The following TMC4 variants were observed in gnomAD, a reference collection of about 807,000 sequenced individuals.
The protein encoded by TMC4 is transmembrane channel like 4.
A neutral mutation model predicts 82.0 loss-of-function variants in TMC4; 70 were observed. That is an observed-to-expected ratio of 0.85 (90% confidence interval 0.70 to 1.04). The LOEUF is 1.04. Among genes scored for constraint, TMC4 ranks in the 50% least tolerant of loss-of-function variants. The pLI is 0.00. For missense variants in TMC4, 879 were observed against 899.0 expected (o/e 0.98, Z 0.28); for synonymous variants, 446 against 406.0 (o/e 1.10, Z -1.18).
chr19:54,165,670 G>T, intron 5 of TMC4, 104 bp from the exon 6 acceptor site: 1 of 1,373,510 alleles, frequency 7.3e-7, no homozygotes, highest in Non-Finnish European at 9.8e-7. Flanking sequence ...GAACCCTAAG[G>T]CCTTGGGTAC....
chr19:54,161,850 T>C (rs1007114096), intron 11 of TMC4, among the ~76,000 whole-genome samples: 65 of 152,046 alleles, frequency 4.3e-4, no homozygotes, highest in Non-Finnish European at 1.2e-4. Context: ...CCTACCTGCC[T>C]CTCCTTTTTT....
At chr19:54,166,869 C>T (rs1371831791) in intron 5 of TMC4, among the ~76,000 whole-genome samples, 1 of 152,100 alleles carries the variant, frequency 6.6e-6, no homozygotes, top group Non-Finnish European at 1.5e-5. Flanking sequence ...AGGAAAATTG[C>T]TTGAACCCGG....
At chr19:54,172,861 C>T in intron 1 of TMC4, 178 bp downstream of exon 1, 4 of 611,748 alleles carry the variant, frequency 6.5e-6, no homozygotes, top group South Asian at 2.1e-5. Flanking sequence ...CAGGCTCCTC[C>T]TCCTCAGACC....
Position 54,168,669 on chromosome 19 carries a change from C to A in TMC4, c.454G>T (p.Ala152Ser), listed in dbSNP as rs754668617. ...TLKRIGGQFGAGTESYFSLLR... is the reference protein window; with the variant it reads ...TLKRIGGQFGSGTESYFSLLR... Reference sequence around the variant, plus strand: ...AGGGAGAAGTAGGACTCCGTGCCGGCGCCAAACTGGCCTGCAGGGGGCAGC... The same window carrying A: ...AGGGAGAAGTAGGACTCCGTGCCGGAGCCAAACTGGCCTGCAGGGGGCAGC... The change falls in exon 4 of 15, where the codon GCC becomes TCC. Residue 152 changes from alanine (A) to serine (S), a missense_variant. Ala to Ser is a moderately conservative substitution (Grantham distance 99, BLOSUM62 1). Coordinates refer to ENST00000619895, the MANE Select transcript of TMC4 (RefSeq NM_144686.4). The A allele has an allele frequency of 6.5e-7, 1 of 1,540,744 alleles. No homozygotes were observed. Among genetic ancestry groups the A allele is most frequent in the South Asian group, 1.2e-5 (1 of 81,136 alleles).
In TMC4 at chr19:54,163,802, A is replaced by G. The variant is rs1228369240; in HGVS notation, c.1199T>C (p.Val400Ala). 2 of 1,613,994 alleles carry G rather than the reference A, an allele frequency of 1.2e-6. No individual in the cohort carries two copies. The highest frequency in any genetic ancestry group is 3.3e-5 in the Admixed American group (2 of 59,980). The change falls in exon 8 of 15, where the codon GTG becomes GCG. Residue 400 changes from valine (V) to alanine (A), a missense_variant. Val to Ala is a moderately conservative substitution (Grantham distance 64). Transcript: ENST00000619895. Reference protein sequence around the residue: ...PSIFIAGVNFVLPPVFKLIAP... With the variant: ...PSIFIAGVNFALPPVFKLIAP... ...AATGAGCTTGAACACGGGCGGCAGC[A>G]CAAAATTGACCCCAGCGATGAAGAT...
At chr19:54,164,659 T>C (rs2075656270) in intron 6 of TMC4, 58 bp from the exon 7 acceptor site, 1 of 1,600,586 alleles carries the variant, frequency 6.2e-7, no homozygotes, top group East Asian at 2.2e-5. Context: ...GGCCTCCCGG[T>C]TCCCCAGGTC....
Position 54,163,131 on chromosome 19 carries a change from C to T in TMC4, c.1306G>A (p.Val436Met), listed in dbSNP as rs1274604137. The T allele has an allele frequency of 1.9e-6, 3 of 1,613,864 alleles. No homozygotes were observed. In the South Asian group the frequency reaches 3.3e-5, roughly 18 times the overall value. Residue 436 changes from valine (V) to methionine (M), a missense_variant, in exon 9 of 15, where the codon GTG becomes ATG. Physicochemically the swap from Val to Met is conservative, Grantham distance 21 (BLOSUM62 1). Coordinates refer to ENST00000619895, the MANE Select transcript of TMC4 (RefSeq NM_144686.4). ...RTVFLRLASL[V>M]VLLFSLWNQI... The stretch of plus-strand genomic sequence containing the variant: ...TTCCAGAGAGAGAAGAGCAGGACCA[C>T]CAGGGAGGCGAGGCGAAGAAACACG...
Position 54,165,532 on chromosome 19 carries a change from C to T in TMC4, c.832G>A (p.Glu278Lys), listed in dbSNP as rs1386806570. 3.7e-6 allele frequency: 6 copies of T among 1,610,476 alleles called. No individual in the cohort carries two copies. The South Asian group carries it at 6.6e-5, about 18-fold the overall frequency. Residue 278 changes from glutamate (E) to lysine (K), a missense_variant, in exon 6 of 15, where the codon GAG (glutamate) becomes AAG (lysine). Glu to Lys is a moderately conservative substitution (Grantham distance 56, BLOSUM62 1). Coordinates refer to ENST00000619895, the MANE Select transcript of TMC4 (RefSeq NM_144686.4). ...CTGTAGCTGGTCAGAGCCTCGGACT[C>T]CGCCAGCAGTGTCTGCTTCAGCCCA... ...VSGLKQTLLAESEALTSYSHR... is the reference protein window; with the variant it reads ...VSGLKQTLLAKSEALTSYSHR...
chr19:54,160,512 G>A lies in TMC4; in HGVS notation c.2007C>T (p.Asn669=), dbSNP rs372234599. 1.2e-6 allele frequency: 2 copies of A among 1,614,060 alleles called. No homozygotes were observed. The highest frequency in any genetic ancestry group is 2.7e-5 in the African/African-American group (2 of 74,930). Reference sequence around the variant, plus strand: ...GCTCAGAGATGAGGCGTCCGTAGGAGTTAGCCAGAGCCACAGTGTACGCCA... The same window carrying A: ...GCTCAGAGATGAGGCGTCCGTAGGAATTAGCCAGAGCCACAGTGTACGCCA... ...ILMAYTVALA[N]SYGRLISELK... The change falls in exon 14 of 15, where the codon AAC becomes AAT. Residue 669 remains asparagine, a synonymous_variant. Coordinates refer to ENST00000619895, the MANE Select transcript of TMC4 (RefSeq NM_144686.4).
intron 2 of TMC4, among the ~76,000 whole-genome samples, chr19:54,170,940 G>A (rs1039960528): frequency 1.3e-5 from 2 of 151,934 alleles, no homozygotes; most frequent in African/African-American, 4.8e-5. Flanking sequence ...TAGAGATGGG[G>A]GTCTCGCTAT....
chr19:54,166,966 A>G (rs2075721394), intron 5 of TMC4, among the ~76,000 whole-genome samples: 1 of 148,062 alleles, frequency 6.8e-6, no homozygotes, highest in South Asian at 2.2e-4. Context: ...AAAAAAAAAA[A>G]GTTGACTTTT....
intron 5 of TMC4, among the ~76,000 whole-genome samples, chr19:54,165,843 G>A (rs1264981378): frequency 1.3e-5 from 2 of 152,134 alleles, no homozygotes; most frequent in Admixed American, 1.3e-4. Flanking sequence ...GAGCGAAGGG[G>A]GCAGAAACCC....
rs1440075398 is a variant in TMC4 at position 54,168,765 on chromosome 19, GCCTT to G, written c.443-89_443-86del. 3.6e-4 allele frequency: 221 copies of G among 617,214 alleles called. 5 individuals carry two copies. The African/African-American group carries it at 4.0e-3, about 11-fold the overall frequency. 38.2% of individuals were successfully genotyped at this position (617,214 alleles called of 1,614,324 possible). A position where few individuals can be genotyped will look rare whatever the true frequency, so the allele number is the denominator to read the frequency against. On this transcript the variant is annotated intron_variant, in intron 3 of 14. Transcript: ENST00000619895. ...TACCCCTGGACTGGGGTCCAGCCGC[GCCTT>G]CCTTTCTTTCTTTCTTTTCTTTTCT...
chr19:54,168,295 G>A lies in TMC4; in HGVS notation c.676-3C>T, dbSNP rs898121751. On this transcript the variant is annotated splice_polypyrimidine_tract_variant and splice_region_variant and intron_variant, in intron 4 of 14. Coordinates refer to ENST00000619895, the MANE Select transcript of TMC4 (RefSeq NM_144686.4). ...AGAGGGGACCATTCCAGGTAACCCT[G>A]TGGGGGGAAGGCGGCGCAGGGGCCA... 1 of 1,551,678 alleles carries A rather than the reference G, an allele frequency of 6.4e-7. No homozygotes were observed. Among genetic ancestry groups the A allele is most frequent in the African/African-American group, 1.4e-5 (1 of 73,218 alleles).
Position 54,171,980 on chromosome 19 carries a change from C to G in TMC4, c.183G>C (p.Glu61Asp), listed in dbSNP as rs760483149. Residue 61 changes from glutamate to aspartate, a missense_variant, in exon 2 of 15, where the codon GAG (glutamate) becomes GAC (aspartate). Physicochemically the swap from Glu to Asp is conservative, Grantham distance 45 (BLOSUM62 2). Transcript: ENST00000619895. Reference protein sequence around the residue: ...LPWGALEEEEEDGGRSRKAFT... With the variant: ...LPWGALEEEEDDGGRSRKAFT... ...AGGCCTTTCTGCTCCTTCCTCCATC[C>G]TCCTCCTCCTCCTCCAGCGCCCCCC... 1 of 1,499,014 alleles carries G rather than the reference C, an allele frequency of 6.7e-7. No homozygotes were observed. The highest frequency in any genetic ancestry group is 9.0e-7 in the Non-Finnish European group (1 of 1,112,030). The allele number at this position is 1,499,014 out of a possible 1,614,324, so 92.9% of individuals were successfully genotyped here.
chr19:54,162,189 C>T lies in TMC4; in HGVS notation c.1599G>A (p.Gln533=). 1 of 1,613,764 alleles carries T rather than the reference C, an allele frequency of 6.2e-7. No individual in the cohort carries two copies. The highest frequency in any genetic ancestry group is 1.1e-5 in the South Asian group (1 of 91,006). ...AAAAACTCCCCACCCAGACCACCGT[C>T]TGCGCGTAGATGAGCCCCAGCACCT... is the stretch of plus-strand genomic sequence containing the variant. ...PDEVLGLIYA[Q]TVVWVGSFFC... is the part of the protein sequence containing the mutation. Residue 533 remains glutamine, a synonymous_variant, in exon 11 of 15, where the codon CAG becomes CAA. Coordinates refer to ENST00000619895, the MANE Select transcript of TMC4 (RefSeq NM_144686.4).
At chr19:54,160,778 T>C in intron 13 of TMC4, 100 bp downstream of exon 13, 67 of 1,489,028 alleles carry the variant, frequency 4.5e-5, no homozygotes, top group Non-Finnish European at 5.9e-5. Context: ...CTCAGTACGT[T>C]GCCTGCTCCC....
In TMC4 at chr19:54,160,143, G is replaced by C. The variant is rs532707347; in HGVS notation, c.*163C>G. 271 of 753,480 alleles carry C rather than the reference G, an allele frequency of 3.6e-4. 1 individual carries two copies. The African/African-American group carries it at 4.2e-3, about 12-fold the overall frequency. 46.7% of individuals were successfully genotyped at this position (753,480 alleles called of 1,614,324 possible). A position where few individuals can be genotyped will look rare whatever the true frequency, so the allele number is the denominator to read the frequency against. On this transcript the variant is annotated 3_prime_UTR_variant, in exon 15 of 15. Coordinates refer to ENST00000619895, the MANE Select transcript of TMC4 (RefSeq NM_144686.4). ...CGGCTGTATTTATTGATACAAGGAAGATCACCCGAGAGTCAGGGACGTGGC... is the reference window on the plus strand; with the variant it reads ...CGGCTGTATTTATTGATACAAGGAACATCACCCGAGAGTCAGGGACGTGGC...
chr19:54,164,817 C>G, intron 6 of TMC4: 1 of 621,652 alleles, frequency 1.6e-6, no homozygotes, highest in Non-Finnish European at 2.8e-6. Flanking sequence ...GCAACCCAAG[C>G]CCCCATCCCT....
Sources: gnomAD v4.1 joint callset for allele counts (sites outside exome capture counted in the v4.1 genomes callset) on GRCh38, gnomAD v4.1.1 for gene constraint, MANE v1.5 for transcripts, NCBI Gene and HGNC (gene_info 2026-07-23, HGNC 2026-07-21) for gene names.